SZT2: variants seen among roughly 807,000 people sequenced by gnomAD.
SZT2 encodes the protein KICSTOR complex protein SZT2.
A neutral mutation model predicts 404.2 loss-of-function variants in SZT2; 216 were observed. That is an observed-to-expected ratio of 0.53 (90% confidence interval 0.48 to 0.60). SZT2 has a LOEUF of 0.60. Among genes scored for constraint, SZT2 ranks in the 20% least tolerant of loss-of-function variants. SZT2 has a pLI of 0.00. For missense variants in SZT2, 3,857 were observed against 4,459.2 expected, an observed-to-expected ratio of 0.86 and a Z score of 3.85; for synonymous variants, 1,693 against 1,749.9, an observed-to-expected ratio of 0.97 and a Z score of 0.81.
intron 1 of SZT2, among the ~76,000 whole-genome samples, chr1:43,391,287 C>G (rs192292669): frequency 6.6e-6 from 1 of 151,524 alleles, no homozygotes; most frequent in Non-Finnish European, 1.5e-5. Context: ...GCACTTCAGC[C>G]TGGGCAACAA....
At position 43,450,816 on chromosome 1, in the gene SZT2, T is replaced by C. The variant is rs1222538934; in HGVS notation, c.*336T>C. 2.8e-6 allele frequency: 2 copies of C among 706,662 alleles called. No individual in the cohort carries two copies. Among genetic ancestry groups the C allele is most frequent in the Non-Finnish European group, 5.3e-6 (2 of 380,688 alleles). The allele number at this position is 706,662 out of a possible 1,614,324, so 43.8% of individuals were successfully genotyped here. A position where few individuals can be genotyped will look rare whatever the true frequency, so the allele number is the denominator to read the frequency against. On this transcript the variant is annotated 3_prime_UTR_variant, in exon 72 of 72. Coordinates refer to ENST00000634258, the MANE Select transcript of SZT2 (RefSeq NM_001365999.1). The surrounding 1 kb of genome is among the most constrained non-coding windows in gnomAD (Gnocchi z 4.3). ...GGTGGCAAACACCCCCTAGAGCTCCTCTGCCTGAATCCTGCCCCCTAGCCT... is the reference window on the plus strand; with the variant it reads ...GGTGGCAAACACCCCCTAGAGCTCCCCTGCCTGAATCCTGCCCCCTAGCCT...
chr1:43,445,899 G>A lies in SZT2; in HGVS notation c.8831G>A (p.Ser2944Asn). Residue 2944 changes from serine to asparagine, a missense_variant, in exon 63 of 72, where the codon AGC becomes AAC. Ser to Asn is a conservative substitution (Grantham distance 46). Around this residue, in one of 7 missense-constraint regions of SZT2, gnomAD observed 717 missense variants for 868.2 expected, o/e 0.83. Coordinates refer to ENST00000634258, the MANE Select transcript of SZT2 (RefSeq NM_001365999.1). The part of the protein sequence containing the change: ...LRPPSPARST[S>N]RPRAMAILGT... ...TCCCTCCTCCTTTTCTATAGCACCA[G>A]CCGGCCACGGGCCATGGCTATCCTT... 6.2e-7 allele frequency: 1 copy of A among 1,614,200 alleles called. No homozygotes were observed. Among genetic ancestry groups the A allele is most frequent in the Non-Finnish European group, 8.5e-7 (1 of 1,180,018 alleles).
rs1403474644 is a variant in SZT2, at chr1:43,426,278, G to A, written c.3044-90G>A. On this transcript the variant is annotated intron_variant, in intron 21 of 71. Coordinates refer to ENST00000634258, the MANE Select transcript of SZT2 (RefSeq NM_001365999.1). The surrounding 1 kb of genome is among the most constrained non-coding windows in gnomAD (Gnocchi z 4.9). The stretch of plus-strand genomic sequence containing the variant: ...TGGTGGGGGCAGGAGGAGCCCATGA[G>A]GCTGAAGGAGGGGCCAGCTGGTCAG... The A allele has an allele frequency of 4.3e-5, 65 of 1,495,830 alleles. No homozygotes were observed. The highest frequency in any genetic ancestry group is 5.4e-5 in the Non-Finnish European group (60 of 1,117,580). 92.7% of individuals were successfully genotyped at this position (1,495,830 alleles called of 1,614,324 possible).
In SZT2 at chr1:43,437,620, C is replaced by T. The variant is rs769396036; in HGVS notation, c.6316C>T (p.Arg2106Trp). 51 of 1,613,980 alleles carry T rather than the reference C, an allele frequency of 3.2e-5. No homozygotes were observed. The highest frequency in any genetic ancestry group is 4.0e-5 in the Non-Finnish European group (47 of 1,180,026). ...LRLLETSCSD[R>W]PWKGDALPPS... is the part of the protein sequence containing the mutation. ...GCTCCTAGAGACATCCTGCAGTGAC[C>T]GGCCATGGAAAGGGGATGCGCTGCC... The change falls in exon 45 of 72, where the codon CGG becomes TGG. Residue 2106 changes from arginine (R) to tryptophan (W), a missense_variant. By Grantham distance (101) the Arg-to-Trp change is moderately radical. Around this residue, in one of 7 missense-constraint regions of SZT2, gnomAD observed 261 missense variants for 372.9 expected, o/e 0.70. Coordinates refer to ENST00000634258, the MANE Select transcript of SZT2 (RefSeq NM_001365999.1). This position sits in a 1 kb window ranked among gnomAD's most constrained non-coding sequence, Gnocchi z 5.3.
rs1410627822 is a variant in SZT2 at position 43,420,696 on chromosome 1, C to T, written c.1262-53C>T. ...GGGGGTTTCAGATAGAACTCGATCCCAGGCCTAGAGTCCTATGCCTTCTCC... is the reference window on the plus strand; with the variant it reads ...GGGGGTTTCAGATAGAACTCGATCCTAGGCCTAGAGTCCTATGCCTTCTCC... On this transcript the variant is annotated intron_variant, in intron 9 of 71. Coordinates refer to ENST00000634258, the MANE Select transcript of SZT2 (RefSeq NM_001365999.1). The surrounding 1 kb of genome is among the most constrained non-coding windows in gnomAD (Gnocchi z 5.1). 7 of 1,521,206 alleles carry T rather than the reference C, an allele frequency of 4.6e-6. No individual in the cohort carries two copies. Among genetic ancestry groups the T allele is most frequent in the Non-Finnish European group, 4.5e-6 (5 of 1,114,326 alleles). 94.2% of individuals were successfully genotyped at this position (1,521,206 alleles called of 1,614,324 possible). A position where few individuals can be genotyped will look rare whatever the true frequency, so the allele number is the denominator to read the frequency against.
At position 43,453,720 on chromosome 1, in the gene SZT2, C is replaced by T. The variant is rs1026192328; in HGVS notation, c.*3240C>T. ...CTCGAAGCCCGAGCTGCCCGCGGCC[C>T]GCACCCGCGCGGGGAGGCCGGAGAG... On this transcript the variant is annotated 3_prime_UTR_variant, in exon 72 of 72. Coordinates refer to ENST00000634258, the MANE Select transcript of SZT2 (RefSeq NM_001365999.1). The T allele has an allele frequency of 5.0e-6, 7 of 1,391,964 alleles. No homozygotes were observed. The highest frequency in any genetic ancestry group is 6.5e-6 in the Non-Finnish European group (7 of 1,084,358). 86.2% of individuals were successfully genotyped at this position (1,391,964 alleles called of 1,614,324 possible).
intron 2 of SZT2, 113 bp downstream of exon 2, chr1:43,403,415 A>G (rs1326637600): frequency 6.8e-7 from 1 of 1,470,490 alleles, no homozygotes; most frequent in Non-Finnish European, 9.1e-7. Flanking sequence ...TGGTTAGGGC[A>G]AGGGACTGCC....
In SZT2 at chr1:43,443,196, C is replaced by T. The variant is rs769123289; in HGVS notation, c.8428C>T (p.Arg2810Cys). Reference protein sequence around the residue: ...IKMAERRELERQMKMENLFVT... With the variant: ...IKMAERRELECQMKMENLFVT... ...ATGCCCTCAACCCTCAGAGCTGGAG[C>T]GCCAGATGAAGATGGAAAACCTGTT... Residue 2810 changes from arginine (R) to cysteine (C), a missense_variant, in exon 60 of 72, where the codon CGC becomes TGC. Physicochemically the swap from Arg to Cys is radical, Grantham distance 180. Transcript: ENST00000634258. The T allele has an allele frequency of 1.1e-5, 17 of 1,614,024 alleles. No homozygotes were observed. Among genetic ancestry groups the T allele is most frequent in the Middle Eastern group, 1.6e-4 (1 of 6,084 alleles).
rs569692877 is a variant in SZT2 at position 43,454,225 on chromosome 1, A to G, written c.*3745A>G. 1.1e-5 allele frequency: 2 copies of G among 184,376 alleles called. No individual in the cohort carries two copies. The highest frequency in any genetic ancestry group is 3.7e-4 in the East Asian group (2 of 5,454). The allele number at this position is 184,376 out of a possible 1,614,324, so 11.4% of individuals were successfully genotyped here. On this transcript the variant is annotated 3_prime_UTR_variant, in exon 72 of 72. Transcript: ENST00000634258. ...ACATTTGAAAGCTGTATGACCAAAT[A>G]AAGAAGCACTTTTATACCGCCAGTT...
At chr1:43,390,286 A>G (rs192816632) in intron 1 of SZT2, among the ~76,000 whole-genome samples, 5 of 152,328 alleles carry the variant, frequency 3.3e-5, no homozygotes, top group South Asian at 2.1e-4. Flanking sequence ...CAAAACTTGT[A>G]TTTTGACTTT....
chr1:43,443,558 G>T (rs1286140164), intron 61 of SZT2, 39 bp from the exon 62 acceptor site: 2 of 1,613,596 alleles, frequency 1.2e-6, no homozygotes, highest in Non-Finnish European at 8.5e-7. Flanking sequence ...CAGGATGGTT[G>T]ACAGTGGGGA....
chr1:43,442,828 C>T lies in SZT2; in HGVS notation c.8161C>T (p.Pro2721Ser), dbSNP rs1322242054. Reference sequence around the variant, plus strand: ...ATGCTCCATCTCTCAGGAGCCAAACCCATTCCTGCTGCCGACCATGGAAGT... The same window carrying T: ...ATGCTCCATCTCTCAGGAGCCAAACTCATTCCTGCTGCCGACCATGGAAGT... The part of the protein sequence containing the change: ...FPVRDEKEPN[P>S]FLLPTMEVET... The change falls in exon 59 of 72, where the codon CCA (proline) becomes TCA (serine). Residue 2721 changes from proline (P) to serine (S), a missense_variant. Around this residue, in one of 7 missense-constraint regions of SZT2, gnomAD observed 573 missense variants for 592.4 expected, o/e 0.97. Transcript: ENST00000634258. This position sits in a 1 kb window ranked among gnomAD's most constrained non-coding sequence, Gnocchi z 4.5. The T allele has an allele frequency of 6.2e-7, 1 of 1,603,076 alleles. No individual in the cohort carries two copies. Among genetic ancestry groups the T allele is most frequent in the Non-Finnish European group, 8.5e-7 (1 of 1,174,006 alleles).
chr1:43,443,069 A>G lies in SZT2; in HGVS notation c.8402A>G (p.Lys2801Arg), dbSNP rs746604772. 13 of 1,612,086 alleles carry G rather than the reference A, an allele frequency of 8.1e-6. No homozygotes were observed. The South Asian group carries it at 1.3e-4, about 16-fold the overall frequency. The stretch of plus-strand genomic sequence containing the variant: ...CATGGACAACAGTTCCTAGAGATCA[A>G]GATGGCAGAGCGCAGAGGTGAGGGT... ...TYHGQQFLEIKMAERRELERQ... is the reference protein window; with the variant it reads ...TYHGQQFLEIRMAERRELERQ... The change falls in exon 59 of 72, where the codon AAG becomes AGG. Residue 2801 changes from lysine (K) to arginine (R), a missense_variant. By Grantham distance (26) the Lys-to-Arg change is conservative (BLOSUM62 2). Coordinates refer to ENST00000634258, the MANE Select transcript of SZT2 (RefSeq NM_001365999.1).
At chr1:43,417,376 A>G (rs1345016911) in intron 7 of SZT2, among the ~76,000 whole-genome samples, 1 of 152,176 alleles carries the variant, frequency 6.6e-6, no homozygotes, top group Non-Finnish European at 1.5e-5. Flanking sequence ...GTTGTCTCCA[A>G]GTTTTTGACT....
In SZT2 at chr1:43,423,198, G is replaced by C; in HGVS notation, c.2137G>C (p.Gly713Arg). The change falls in exon 15 of 72, where the codon GGT (glycine) becomes CGT (arginine). Residue 713 changes from glycine to arginine, a missense_variant. Gly to Arg is a moderately radical substitution (Grantham distance 125). This residue lies in a region of SZT2 where 1,725 missense variants were observed against 1,881.0 expected (regional missense o/e 0.92). Coordinates refer to ENST00000634258, the MANE Select transcript of SZT2 (RefSeq NM_001365999.1). ...TPKVKRKGLG[G>R]AGGGSSPSKS... ...CAAGGTGAAACGAAAAGGGCTAGGGGGTGCTGGTGGGGGCAGCTCTCCCTC... is the reference window on the plus strand; with the variant it reads ...CAAGGTGAAACGAAAAGGGCTAGGGCGTGCTGGTGGGGGCAGCTCTCCCTC... The C allele has an allele frequency of 1.3e-6, 2 of 1,597,634 alleles. No homozygotes were observed. The highest frequency in any genetic ancestry group is 1.7e-6 in the Non-Finnish European group (2 of 1,179,452).
Position 43,422,711 on chromosome 1 carries a change from A to G in SZT2, c.1923-58A>G, listed in dbSNP as rs1459492526. ...ATCCCATGTCTCCCTCTAACCCCAG[A>G]CCTCACTGCTACTTCCTGCCAACCT... is the stretch of plus-strand genomic sequence containing the variant. On this transcript the variant is annotated intron_variant, in intron 13 of 71. Coordinates refer to ENST00000634258, the MANE Select transcript of SZT2 (RefSeq NM_001365999.1). The G allele has an allele frequency of 3.4e-6, 4 of 1,189,598 alleles. No homozygotes were observed. The East Asian group carries it at 2.2e-4, about 65-fold the overall frequency. The allele number at this position is 1,189,598 out of a possible 1,614,324, so 73.7% of individuals were successfully genotyped here.
chr1:43,394,777 C>G (rs1648795666), intron 1 of SZT2, among the ~76,000 whole-genome samples: 1 of 151,566 alleles, frequency 6.6e-6, no homozygotes, highest in Admixed American at 6.6e-5. Flanking sequence ...ACTCGGAAGG[C>G]TGAGGCAGGA....
chr1:43,443,811 G>T lies in SZT2; in HGVS notation c.8825+15G>T. On this transcript the variant is annotated intron_variant, in intron 62 of 71. Coordinates refer to ENST00000634258, the MANE Select transcript of SZT2 (RefSeq NM_001365999.1). ...CCCGCCCGCAGGTGAGCCCGTCCCT[G>T]TTTTCCCTTCTGTCTTCTCCTCCTG... 1.2e-6 allele frequency: 2 copies of T among 1,612,710 alleles called. No homozygotes were observed. Among genetic ancestry groups the T allele is most frequent in the Non-Finnish European group, 1.7e-6 (2 of 1,179,952 alleles).
chr1:43,452,413 C>T lies in SZT2; in HGVS notation c.*1933C>T. 1 of 963,552 alleles carries T rather than the reference C, an allele frequency of 1.0e-6. No homozygotes were observed. The highest frequency in any genetic ancestry group is 1.6e-6 in the Non-Finnish European group (1 of 610,116). 59.7% of individuals were successfully genotyped at this position (963,552 alleles called of 1,614,324 possible). A position where few individuals can be genotyped will look rare whatever the true frequency, so the allele number is the denominator to read the frequency against. On this transcript the variant is annotated 3_prime_UTR_variant, in exon 72 of 72. Transcript: ENST00000634258. Reference sequence around the variant, plus strand: ...ACTGTGCCAGCCCTCGTCCGTCTCCCCAGGTCTCCAGTCCATGGCACCTGG... The same window carrying T: ...ACTGTGCCAGCCCTCGTCCGTCTCCTCAGGTCTCCAGTCCATGGCACCTGG...
Sources: gnomAD v4.1 joint callset for allele counts (sites outside exome capture counted in the v4.1 genomes callset) on GRCh38, gnomAD v4.1.1 for gene constraint, gnomAD v4.1.1 regional missense constraint, Gnocchi (gnomAD v3.1) non-coding constraint, MANE v1.5 for transcripts, NCBI Gene and HGNC (gene_info 2026-07-23, HGNC 2026-07-21) for gene names.